Variants in TNIP1 observed in about 807,000 individuals in gnomAD.
The protein encoded by TNIP1 is TNFAIP3-interacting protein 1.
In TNIP1, 22 loss-of-function variants were observed where a neutral mutation model predicts 86.6. The ratio of observed to expected loss-of-function variants is 0.25; its 90% CI spans 0.18 to 0.36. The LOEUF (loss-of-function observed/expected upper bound fraction) is 0.36, where lower values mean the gene tolerates loss of function less well. Among genes scored for constraint, TNIP1 ranks in the 10% least tolerant of loss-of-function variants. The pLI is 1.00. For synonymous variants in TNIP1, 294 were observed against 313.0 expected, an observed-to-expected ratio of 0.94 and a Z score of 0.64; for missense variants, 709 against 820.6, an observed-to-expected ratio of 0.86 and a Z score of 1.66.
At chr5:151,067,061 G>A (rs1762319107) in intron 1 of TNIP1, among the ~76,000 whole-genome samples, 2 of 152,302 alleles carry the variant, frequency 1.3e-5, no homozygotes, top group South Asian at 4.1e-4. Context: ...CACCGTGTGG[G>A]AGGCACCCAC....
intron 13 of TNIP1, among the ~76,000 whole-genome samples, chr5:151,036,515 T>A (rs537339752): frequency 9.3e-4 from 142 of 152,358 alleles, no homozygotes; most frequent in Admixed American, 2.6e-3. Context: ...CCCTTTTAAA[T>A]TCATTTATTT....
At chr5:151,041,977 G>C (rs930915376) in intron 11 of TNIP1, among the ~76,000 whole-genome samples, 1 of 136,736 alleles carries the variant, frequency 7.3e-6, no homozygotes, top group African/African-American at 2.7e-5. Context: ...TTTCACTCTT[G>C]TTCCCCAGGC....
chr5:151,039,142 G>A lies in TNIP1; in HGVS notation c.1218C>T (p.Thr406=). The change falls in exon 12 of 18, where the codon ACC becomes ACT. Residue 406 remains threonine (T), a synonymous_variant. Transcript: ENST00000521591. ...CCTTTTCCTGGTACTCACGCTGTCGGGTGAGTGGGCTCAGCTGATCCTGCA... is the reference window on the plus strand; with the variant it reads ...CCTTTTCCTGGTACTCACGCTGTCGAGTGAGTGGGCTCAGCTGATCCTGCA... ...KYLQDQLSPL[T]RQREYQEKEI... 1 of 1,614,054 alleles carries A rather than the reference G, an allele frequency of 6.2e-7. No individual in the cohort carries two copies. Among genetic ancestry groups the A allele is most frequent in the South Asian group, 1.1e-5 (1 of 91,074 alleles).
At chr5:151,074,058 C>T (rs1414609933) in intron 1 of TNIP1, among the ~76,000 whole-genome samples, 1 of 152,084 alleles carries the variant, frequency 6.6e-6, no homozygotes, top group Non-Finnish European at 1.5e-5. Flanking sequence ...GAAATCTAGT[C>T]CTGTTCTTAT....
At chr5:151,045,248 C>T (rs1758995413) in intron 9 of TNIP1, among the ~76,000 whole-genome samples, 1 of 152,146 alleles carries the variant, frequency 6.6e-6, no homozygotes, top group Non-Finnish European at 1.5e-5. Context: ...TGCCACCATG[C>T]CCGCTAATTT....
chr5:151,065,505 T>C (rs568464201), intron 1 of TNIP1, among the ~76,000 whole-genome samples: 9 of 152,338 alleles, frequency 5.9e-5, no homozygotes, highest in African/African-American at 2.2e-4. Context: ...TTACCCATCA[T>C]TGCATCCTCA....
At position 151,059,625 on chromosome 5, in the gene TNIP1, G is replaced by C. The variant is rs535842409; in HGVS notation, c.435+693C>G. Among the ~76,000 whole-genome samples the C allele has an allele frequency of 3.9e-5, 6 of 152,276 alleles. No individual in the cohort carries two copies. In the South Asian group the frequency reaches 1.2e-3, roughly 32 times the overall value. On this transcript the variant is annotated intron_variant, in intron 5 of 17. Transcript: ENST00000521591. ...AATGGAGAAGGTAGAAATTTAAGTC[G>C]TTTAAAGAATCTTCCAGACTTTTCA...
intron 1 of TNIP1, among the ~76,000 whole-genome samples, chr5:151,073,663 G>A (rs930228733): frequency 6.6e-6 from 1 of 151,656 alleles, no homozygotes; most frequent in Non-Finnish European, 1.5e-5. Flanking sequence ...GGAGGCCAAG[G>A]TGGGAGGATT....
At chr5:151,060,450 C>T in intron 4 of TNIP1, 55 bp from the exon 5 acceptor site, 1 of 1,557,622 alleles carries the variant, frequency 6.4e-7, no homozygotes, top group Non-Finnish European at 8.9e-7. Flanking sequence ...CACCCCTCCT[C>T]TGCGGCCCTG....
At chr5:151,049,026 T>G (rs902937405) in intron 8 of TNIP1, among the ~76,000 whole-genome samples, 1 of 152,150 alleles carries the variant, frequency 6.6e-6, no homozygotes, top group Non-Finnish European at 1.5e-5. Context: ...AATAAGAAAA[T>G]AGATTTGCAT....
chr5:151,042,192 C>T (rs545277719), intron 11 of TNIP1, among the ~76,000 whole-genome samples: 3 of 152,106 alleles, frequency 2.0e-5, no homozygotes, highest in African/African-American at 2.4e-5. Flanking sequence ...CCACCCGTCT[C>T]GGCCTCCCCA....
At chr5:151,063,513 G>C in intron 3 of TNIP1, 100 bp downstream of exon 3, 1 of 1,513,072 alleles carries the variant, frequency 6.6e-7, no homozygotes, top group Non-Finnish European at 9.0e-7. Flanking sequence ...AAGGATAAAC[G>C]AGAGAATGTG....
chr5:151,053,579 C>T (rs539103079), intron 6 of TNIP1, among the ~76,000 whole-genome samples: 1 of 152,272 alleles, frequency 6.6e-6, no homozygotes, highest in Non-Finnish European at 1.5e-5. Context: ...AGACTCAGGA[C>T]CTCACAGGCT....
chr5:151,082,368 G>A (rs1764087646), upstream of TNIP1, among the ~76,000 whole-genome samples: 1 of 152,172 alleles, frequency 6.6e-6, no homozygotes, highest in South Asian at 2.1e-4. Context: ...AAACTCCAAA[G>A]CACCACTGAG....
At chr5:151,086,645 G>C (rs1024346971) in intron 1 of TNIP1, among the ~76,000 whole-genome samples, 14 of 152,032 alleles carry the variant, frequency 9.2e-5, no homozygotes, top group Non-Finnish European at 2.1e-4. Context: ...ACACATACAC[G>C]CTTCAGGGAT....
chr5:151,076,364 C>G (rs1763397941), intron 1 of TNIP1, among the ~76,000 whole-genome samples: 1 of 152,156 alleles, frequency 6.6e-6, no homozygotes, highest in Non-Finnish European at 1.5e-5. Context: ...CAGCAAGAAT[C>G]TAGGAGGGCA....
chr5:151,035,581 C>G lies in TNIP1; in HGVS notation c.1521+1G>C, dbSNP rs764600259. The G allele has an allele frequency of 6.2e-7, 1 of 1,614,198 alleles. No individual in the cohort carries two copies. On this transcript the variant is annotated splice_donor_variant, in intron 14 of 17. Coordinates refer to ENST00000521591, the MANE Select transcript of TNIP1 (RefSeq NM_006058.5). LOFTEE classifies it high-confidence loss of function. ...CCCTTCCTGGGTCCAGTCACTCTTA[C>G]CTGGGCATTTGACAGGGTGACCTGG...
Position 151,052,018 on chromosome 5 carries a change from G to A in TNIP1, c.722+147C>T, listed in dbSNP as rs1467175077. 3 of 644,908 alleles carry A rather than the reference G, an allele frequency of 4.7e-6. No homozygotes were observed. The East Asian group carries it at 8.5e-5, about 18-fold the overall frequency. 39.9% of individuals were successfully genotyped at this position (644,908 alleles called of 1,614,324 possible). A position where few individuals can be genotyped will look rare whatever the true frequency, so the allele number is the denominator to read the frequency against. On this transcript the variant is annotated intron_variant, in intron 7 of 17. Transcript: ENST00000521591. ...GAGAAAATACCAAAAGAGCCAAGGAGAAGGATCAAGAGACGTAACCTCCAA... is the reference window on the plus strand; with the variant it reads ...GAGAAAATACCAAAAGAGCCAAGGAAAAGGATCAAGAGACGTAACCTCCAA...
At position 151,062,201 on chromosome 5, in the gene TNIP1, T is replaced by C. The variant is rs773474270; in HGVS notation, c.283A>G (p.Asn95Asp). ...GGGGCTGTGGGAGATGCTGTGACAT[T>C]TGAGTCCTTTCCTGGAGAATCAAGA... is the stretch of plus-strand genomic sequence containing the variant. ...PLAELTGKDSNVTASPTAPAC... is the reference protein window; with the variant it reads ...PLAELTGKDSDVTASPTAPAC... The change falls in exon 4 of 18, where the codon AAT (asparagine) becomes GAT (aspartate). Residue 95 changes from asparagine to aspartate, a missense_variant. Coordinates refer to ENST00000521591, the MANE Select transcript of TNIP1 (RefSeq NM_006058.5). 4 of 1,614,044 alleles carry C rather than the reference T, an allele frequency of 2.5e-6. No homozygotes were observed. Among genetic ancestry groups the C allele is most frequent in the East Asian group, 4.5e-5 (2 of 44,882 alleles).
Sources: gnomAD v4.1 joint callset for allele counts (sites outside exome capture counted in the v4.1 genomes callset) on GRCh38, gnomAD v4.1.1 for gene constraint, MANE v1.5 for transcripts, NCBI Gene and HGNC (gene_info 2026-07-23, HGNC 2026-07-21) for gene names.